The following LIPH variants were observed in gnomAD, a reference collection of about 807,000 sequenced individuals.
LIPH encodes the protein lipase member H.
LIPH carries 32 observed loss-of-function variants against 47.6 expected under a neutral mutation model. The observed-to-expected ratio is 0.67, with a 90% CI of 0.51 to 0.90. The LOEUF (loss-of-function observed/expected upper bound fraction) is 0.90, where lower values mean the gene tolerates loss of function less well. Ranked by LOEUF, LIPH falls within the 40% of genes least tolerant of loss-of-function variation. The pLI, the probability that LIPH is intolerant of heterozygous loss-of-function variation, is 0.00. For synonymous variants in LIPH, 190 were observed against 195.6 expected (o/e 0.97, Z 0.24); for missense variants, 497 against 541.4 (o/e 0.92, Z 0.81).
chr3:185,528,237 AG>A (rs1720175603), intron 3 of LIPH, among the ~76,000 whole-genome samples: 1 of 151,088 alleles, frequency 6.6e-6, no homozygotes, highest in African/African-American at 2.4e-5. Flanking sequence ...AGAGAGAGAG[AG>A]AGAGAGAGAA....
chr3:185,529,117 C>T lies in LIPH; in HGVS notation c.527-1532G>A, dbSNP rs190515600. Among the ~76,000 whole-genome samples, 881 of 129,728 alleles carry T rather than the reference C, an allele frequency of 6.8e-3. 11 individuals are homozygous for T. Among genetic ancestry groups the T allele is most frequent in the Middle Eastern group, 0.029 (6 of 204 alleles). 85.1% of individuals were successfully genotyped at this position (129,728 alleles called of 152,430 possible). A position where few individuals can be genotyped will look rare whatever the true frequency, so the allele number is the denominator to read the frequency against. On this transcript the variant is annotated intron_variant, in intron 3 of 9. Coordinates refer to ENST00000296252, the MANE Select transcript of LIPH (RefSeq NM_139248.3). ...GTTTGAACTGGGGAGGCAGAGGTTG[C>T]AGTGAGCCAAGATCGTGCCACTGCA...
chr3:185,521,282 A>G (rs1232466641), intron 5 of LIPH, among the ~76,000 whole-genome samples: 1 of 152,220 alleles, frequency 6.6e-6, no homozygotes, highest in African/African-American at 2.4e-5. Flanking sequence ...CTGAACTGTT[A>G]TACTATACTG....
At chr3:185,541,394 CTTTTTTTTT>C in intron 1 of LIPH, among the ~76,000 whole-genome samples, 2 of 130,816 alleles carry the variant, frequency 1.5e-5, no homozygotes, top group East Asian at 2.3e-4. Flanking sequence ...ATCTTTCTTT[CTTTTTTTTT>C]TTTTTTTTGA....
chr3:185,526,607 A>T (rs28579330), intron 4 of LIPH, among the ~76,000 whole-genome samples: 2,336 of 106,598 alleles, frequency 0.022, 71 homozygotes, highest in African/African-American at 0.074. Flanking sequence ...AAATAAAATA[A>T]AAAATAAAAT....
chr3:185,522,650 AAAAGAAAGAAAGAAAGAAAG>A (rs59353669), intron 5 of LIPH, among the ~76,000 whole-genome samples: 32,236 of 141,806 alleles, frequency 0.23, 4,401 homozygotes, highest in East Asian at 0.46. Flanking sequence ...GAGAGAAAGA[AAAAGAAAGAAAGAAAGAAAG>A]AAAGAAAGAA....
intron 5 of LIPH, among the ~76,000 whole-genome samples, chr3:185,520,471 C>G (rs757899057): frequency 6.6e-5 from 10 of 150,866 alleles, no homozygotes; most frequent in Middle Eastern, 3.2e-3. Context: ...GAGCCGAGAT[C>G]GAGCCACTGC....
At position 185,527,171 on chromosome 3, in the gene LIPH, A is replaced by G. The variant is rs1629676; in HGVS notation, c.628+313T>C. On this transcript the variant is annotated intron_variant, in intron 4 of 9. Transcript: ENST00000296252. ...GGAGGATGGCGAGAACCTGGGAGGCAGAGCTTGCAGTGAGTCGAGATTGCG... is the reference window on the plus strand; with the variant it reads ...GGAGGATGGCGAGAACCTGGGAGGCGGAGCTTGCAGTGAGTCGAGATTGCG... 0.55 allele frequency among the ~76,000 whole-genome samples: 83,768 copies of G among 151,890 alleles called. 23,393 individuals are homozygous for G. The highest frequency in any genetic ancestry group is 0.71 in the South Asian group (3,397 of 4,784).
intron 7 of LIPH, 70 bp downstream of exon 7, chr3:185,516,997 A>G: frequency 1.0e-6 from 1 of 1,004,444 alleles, no homozygotes; most frequent in Non-Finnish European, 1.6e-6. Flanking sequence ...AGAAGTAGCC[A>G]GGAAGCTGAG....
Position 185,524,174 on chromosome 3 carries a change from C to T in LIPH, c.629-14G>A. 3 of 1,510,630 alleles carry T rather than the reference C, an allele frequency of 2.0e-6. No homozygotes were observed. Among genetic ancestry groups the T allele is most frequent in the Non-Finnish European group, 2.8e-6 (3 of 1,085,676 alleles). 93.6% of individuals were successfully genotyped at this position (1,510,630 alleles called of 1,614,324 possible). On this transcript the variant is annotated splice_polypyrimidine_tract_variant and intron_variant, in intron 4 of 9. Transcript: ENST00000296252. Reference sequence around the variant, plus strand: ...TGTAGCCCAGTGCTAAAAGAGAACACATTCTGCTTTTATACTCCTTTGAAT... The same window carrying T: ...TGTAGCCCAGTGCTAAAAGAGAACATATTCTGCTTTTATACTCCTTTGAAT...
intron 5 of LIPH, among the ~76,000 whole-genome samples, chr3:185,523,474 G>C (rs1252137754): frequency 6.6e-6 from 1 of 152,002 alleles, no homozygotes; most frequent in South Asian, 2.1e-4. Flanking sequence ...GCATGATCAC[G>C]GCTCACTGCA....
intron 1 of LIPH, among the ~76,000 whole-genome samples, chr3:185,546,397 A>G (rs1460643130): frequency 6.6e-6 from 1 of 151,260 alleles, no homozygotes; most frequent in East Asian, 2.0e-4. Flanking sequence ...ATGGTGGTGC[A>G]GGCCTATATA....
chr3:185,510,023 C>T (rs1719509512), intron 9 of LIPH, among the ~76,000 whole-genome samples: 1 of 150,546 alleles, frequency 6.6e-6, no homozygotes, highest in Admixed American at 6.7e-5. Flanking sequence ...CTCGGCTCAC[C>T]ACAACTTCTG....
intron 1 of LIPH, 119 bp from the exon 2 acceptor site, chr3:185,535,251 G>A: frequency 8.3e-7 from 1 of 1,207,040 alleles, no homozygotes; most frequent in Non-Finnish European, 1.2e-6. Context: ...CTGGCTAAGG[G>A]CTGGATCCAG....
chr3:185,547,982 T>A (rs1720930966), intron 1 of LIPH, among the ~76,000 whole-genome samples: 1 of 152,214 alleles, frequency 6.6e-6, no homozygotes, highest in Non-Finnish European at 1.5e-5. Flanking sequence ...TGCCAAAATG[T>A]TCACAGTAAC....
intron 3 of LIPH, among the ~76,000 whole-genome samples, chr3:185,531,062 C>A (rs998876501): frequency 2.6e-5 from 4 of 152,008 alleles, no homozygotes; most frequent in Admixed American, 6.6e-5. Flanking sequence ...TAGTGATAAG[C>A]CATAGCAAAT....
chr3:185,517,296 A>C, intron 6 of LIPH, 134 bp from the exon 7 acceptor site: 43 of 645,128 alleles, frequency 6.7e-5, no homozygotes, highest in East Asian at 1.7e-4. Flanking sequence ...TCCATCCCCC[A>C]TGGTGAGGGC....
intron 4 of LIPH, among the ~76,000 whole-genome samples, chr3:185,526,637 T>TA (rs1553822450): frequency 1.6e-4 from 22 of 138,910 alleles, no homozygotes; most frequent in African/African-American, 2.2e-4. Context: ...AAATATAAAA[T>TA]AAATAAAATA....
chr3:185,529,978 G>GAAGGAAAGAAAGAA (rs796497732), intron 3 of LIPH, among the ~76,000 whole-genome samples: 1 of 98,942 alleles, frequency 1.0e-5, no homozygotes, highest in African/African-American at 3.5e-5. Context: ...AAGAAAGAAA[G>GAAGGAAAGAAAGAA]AGAGAGAGAG....
At chr3:185,525,625 A>C (rs1006781991) in intron 4 of LIPH, among the ~76,000 whole-genome samples, 2 of 152,180 alleles carry the variant, frequency 1.3e-5, no homozygotes, top group Non-Finnish European at 2.9e-5. Flanking sequence ...CAGTGAAAAA[A>C]AAGGAAGCTC....
Sources: allele counts gnomAD v4.1 joint callset (sites outside exome capture counted in the v4.1 genomes callset), GRCh38; gene constraint gnomAD v4.1.1; transcripts MANE v1.5; gene names NCBI Gene and HGNC (gene_info 2026-07-23, HGNC 2026-07-21).